FAT3: variants seen among roughly 807,000 people sequenced by gnomAD.
FAT3 encodes FAT atypical cadherin 3.
FAT3 carries 95 observed loss-of-function variants against 310.2 expected under a neutral mutation model. The observed-to-expected ratio is 0.31, with a 90% CI of 0.26 to 0.36. The LOEUF (loss-of-function observed/expected upper bound fraction) is 0.36, where lower values mean the gene tolerates loss of function less well. Ranked by LOEUF, FAT3 falls within the 10% of genes least tolerant of loss-of-function variation. The probability of loss-of-function intolerance (pLI) is 1.00; values close to 1 mark genes in which losing one functional copy is unlikely to be tolerated. For synonymous variants in FAT3, 2,314 were observed against 2,192.9 expected (o/e 1.06, Z -1.54); for missense variants, 5,408 against 5,715.6 (o/e 0.95, Z 1.74).
intron 2 of FAT3, chr11:92,400,566 G>T (rs1949990226): frequency 6.6e-6 from 1 of 152,072 alleles, no homozygotes; most frequent in African/African-American, 2.4e-5. Flanking sequence ...TTGCATATTT[G>T]TGCATTACTT....
Position 92,730,634 on chromosome 11 carries a change from T to A in FAT3, c.3670-31222T>A, listed in dbSNP as rs188786509. On this transcript the variant is annotated intron_variant, in intron 4 of 27. Transcript: ENST00000525166. Reference sequence around the variant, plus strand: ...AAATGTATGTTTGCCTGCTTTTGAATTTGCGCTAGAAGAAAATTTTGCTCA... The same window carrying A: ...AAATGTATGTTTGCCTGCTTTTGAAATTGCGCTAGAAGAAAATTTTGCTCA... 1.3e-3 allele frequency among the ~76,000 whole-genome samples: 199 copies of A among 152,284 alleles called. 3 individuals carry two copies. In the East Asian group the frequency reaches 0.029, roughly 22 times the overall value.
Position 92,798,136 on chromosome 11 carries a change from G to A in FAT3, c.5123G>A (p.Gly1708Glu). The A allele has an allele frequency of 6.2e-7, 1 of 1,613,904 alleles. No homozygotes were observed. The highest frequency in any genetic ancestry group is 8.5e-7 in the Non-Finnish European group (1 of 1,179,854). Residue 1708 changes from glycine to glutamate, a missense_variant, in exon 10 of 28, where the codon GGA becomes GAA. Transcript: ENST00000525166. ...QSTLIYEVKD[G>E]DINGIFTINP... is the part of the protein sequence containing the mutation. ...ACCCTCATTTATGAAGTCAAAGATG[G>A]AGACATTAATGGGATCTTTACCATA...
At chr11:92,700,886 G>A (rs1337095524) in intron 4 of FAT3, among the ~76,000 whole-genome samples, 1 of 151,982 alleles carries the variant, frequency 6.6e-6, no homozygotes, top group Non-Finnish European at 1.5e-5. Flanking sequence ...TGACATTGCT[G>A]CAGGAGTTTG....
At chr11:92,238,006 A>G (rs910854316) in intron 1 of FAT3, among the ~76,000 whole-genome samples, 2 of 152,154 alleles carry the variant, frequency 1.3e-5, no homozygotes, top group African/African-American at 4.8e-5. Context: ...GTAGATATTA[A>G]TATCATCATT....
At chr11:92,236,219 C>G (rs545454706) in intron 1 of FAT3, among the ~76,000 whole-genome samples, 3 of 152,222 alleles carry the variant, frequency 2.0e-5, no homozygotes, top group South Asian at 2.1e-4. Flanking sequence ...GGGTATGGGT[C>G]ACTCCATAGT....
intron 24 of FAT3, among the ~76,000 whole-genome samples, chr11:92,885,134 G>C (rs1949768121): frequency 6.6e-6 from 1 of 152,214 alleles, no homozygotes; most frequent in South Asian, 2.1e-4. Context: ...AGCATCTCAA[G>C]AGCTTCTCAG....
In FAT3 at chr11:92,761,913, C is replaced by G. The variant is rs2136083962; in HGVS notation, c.3727C>G (p.Gln1243Glu). 6.2e-7 allele frequency: 1 copy of G among 1,613,874 alleles called. No individual in the cohort carries two copies. The highest frequency in any genetic ancestry group is 2.2e-5 in the East Asian group (1 of 44,866). The change falls in exon 5 of 28, where the codon CAG (glutamine) becomes GAG (glutamate). Residue 1243 changes from glutamine to glutamate, a missense_variant. Physicochemically the swap from Gln to Glu is conservative, Grantham distance 29 (BLOSUM62 2). This residue lies in a region of FAT3 where 4,588 missense variants were observed against 4,809.8 expected (regional missense o/e 0.95). Transcript: ENST00000525166. ...ACAGTCAACCATTTGGGTGGTGGTTCAGGTTCTAGATGAAAATGACAACAA... is the reference window on the plus strand; with the variant it reads ...ACAGTCAACCATTTGGGTGGTGGTTGAGGTTCTAGATGAAAATGACAACAA... ...PKQSTIWVVV[Q>E]VLDENDNKPQ... is the part of the protein sequence containing the mutation.
intron 2 of FAT3, among the ~76,000 whole-genome samples, chr11:92,468,364 A>C (rs1469455580): frequency 2.6e-5 from 4 of 152,218 alleles, no homozygotes; most frequent in African/African-American, 9.6e-5. Flanking sequence ...TGGTTGGCCT[A>C]ACATAGTGCT....
intron 3 of FAT3, among the ~76,000 whole-genome samples, chr11:92,611,028 T>C (rs1258180685): frequency 6.6e-6 from 1 of 152,158 alleles, no homozygotes; most frequent in East Asian, 1.9e-4. Context: ...CTGCTGGCCG[T>C]TTTATTGTCT....
chr11:92,754,791 C>A (rs1718876890), intron 4 of FAT3, among the ~76,000 whole-genome samples: 1 of 150,996 alleles, frequency 6.6e-6, no homozygotes, highest in Admixed American at 6.6e-5. Context: ...TCATTTGAAT[C>A]TGAGAGGGGG....
chr11:92,277,623 A>C (rs1187160), intron 1 of FAT3, among the ~76,000 whole-genome samples: 94,246 of 151,924 alleles, frequency 0.62, 29,795 homozygotes, highest in African/African-American at 0.74. Context: ...CCAAATACGG[A>C]ATGTTCCCAC....
chr11:92,856,613 GT>G (rs914779183), intron 19 of FAT3, among the ~76,000 whole-genome samples: 1 of 152,134 alleles, frequency 6.6e-6, no homozygotes, highest in Admixed American at 6.5e-5. Flanking sequence ...TAATTCTGCT[GT>G]TTTTTTGATA....
Position 92,665,041 on chromosome 11 carries a change from G to C in FAT3, c.3608-32343G>C, listed in dbSNP as rs539086215. Among the ~76,000 whole-genome samples the C allele has an allele frequency of 2.6e-5, 4 of 152,336 alleles. No homozygotes were observed. In the South Asian group the frequency reaches 6.2e-4, roughly 24 times the overall value. ...GTCTCATTTGTCATCCATGACAGTT[G>C]CAGTGCTGATCTGCACTCACGTTCC... On this transcript the variant is annotated intron_variant, in intron 3 of 27. Transcript: ENST00000525166.
intron 3 of FAT3, among the ~76,000 whole-genome samples, chr11:92,663,967 C>T (rs555059283): frequency 1.7e-4 from 26 of 152,278 alleles, no homozygotes; most frequent in Admixed American, 4.6e-4. Flanking sequence ...AAAGAACCTT[C>T]ATAATTTGCC....
chr11:92,855,092 G>T (rs1418079214), intron 19 of FAT3, among the ~76,000 whole-genome samples: 2 of 152,216 alleles, frequency 1.3e-5, no homozygotes, highest in South Asian at 2.1e-4. Context: ...GGCTCAATTT[G>T]CATTTTAAGC....
In FAT3 at chr11:92,831,767, C is replaced by T; in HGVS notation, c.9627C>T (p.Asp3209=). 1 of 1,613,620 alleles carries T rather than the reference C, an allele frequency of 6.2e-7. No individual in the cohort carries two copies. The highest frequency in any genetic ancestry group is 8.5e-7 in the Non-Finnish European group (1 of 1,179,778). The part of the protein sequence containing the change: ...SSYNISVRAT[D]QSPGQSLSSL... Reference sequence around the variant, plus strand: ...ACAACATCAGCGTGCGGGCCACTGACCAGAGTCCTGGACAGTCCCTGTCCT... The same window carrying T: ...ACAACATCAGCGTGCGGGCCACTGATCAGAGTCCTGGACAGTCCCTGTCCT... The change falls in exon 14 of 28, where the codon GAC becomes GAT. Residue 3209 remains aspartate (D), a synonymous_variant. Coordinates refer to ENST00000525166, the MANE Select transcript of FAT3 (RefSeq NM_001367949.2).
chr11:92,388,127 A>G (rs1056640367), intron 2 of FAT3, among the ~76,000 whole-genome samples: 1 of 152,338 alleles, frequency 6.6e-6, no homozygotes. Flanking sequence ...CTCCAAGCTG[A>G]TAAAGCAATG....
intron 3 of FAT3, among the ~76,000 whole-genome samples, chr11:92,580,904 C>G (rs1214140321): frequency 6.6e-6 from 1 of 151,422 alleles, no homozygotes; most frequent in Non-Finnish European, 1.5e-5. Context: ...ACCAGAGTTA[C>G]AATTTAGCAG....
chr11:92,737,086 T>C (rs535758634), intron 4 of FAT3, among the ~76,000 whole-genome samples: 4 of 152,310 alleles, frequency 2.6e-5, no homozygotes, highest in East Asian at 1.9e-4. Flanking sequence ...ATTTAGAATG[T>C]ATTTAATTGC....
Sources: gnomAD v4.1 joint callset for allele counts (sites outside exome capture counted in the v4.1 genomes callset) on GRCh38, gnomAD v4.1.1 for gene constraint, gnomAD v4.1.1 regional missense constraint, MANE v1.5 for transcripts, NCBI Gene and HGNC (gene_info 2026-07-23, HGNC 2026-07-21) for gene names.